PPP2R5C: variants seen among roughly 807,000 people sequenced by gnomAD.
PPP2R5C encodes the protein serine/threonine-protein phosphatase 2A 56 kDa regulatory subunit gamma isoform.
In PPP2R5C, 7 loss-of-function variants were observed where a neutral mutation model predicts 68.9. The ratio of observed to expected loss-of-function variants is 0.10; its 90% CI spans 0.06 to 0.19. The LOEUF (loss-of-function observed/expected upper bound fraction) is 0.19, where lower values mean the gene tolerates loss of function less well. Among genes scored for constraint, PPP2R5C ranks in the 10% least tolerant of loss-of-function variants. The pLI is 1.00. For synonymous variants in PPP2R5C, 210 were observed against 222.2 expected, an observed-to-expected ratio of 0.95 and a Z score of 0.49; for missense variants, 348 against 641.3, an observed-to-expected ratio of 0.54 and a Z score of 4.94.
chr14:101,821,448 G>GTGTGTGT lies in PPP2R5C; in HGVS notation c.94+11412_94+11413insTGTGTGT, dbSNP rs1555386180. 3.5e-3 allele frequency among the ~76,000 whole-genome samples: 205 copies of GTGTGTGT among 58,876 alleles called. 1 individual carries two copies. The highest frequency in any genetic ancestry group is 8.5e-3 in the African/African-American group (187 of 22,120). 38.6% of individuals were successfully genotyped at this position (58,876 alleles called of 152,430 possible). A position where few individuals can be genotyped will look rare whatever the true frequency, so the allele number is the denominator to read the frequency against. ...ATTTTCTCCCTGTGGGGGGTGGGTG[G>GTGTGTGT]GTGGGTGTGTGTGTGTGTGTGTGTG... On this transcript the variant is annotated intron_variant, in intron 1 of 13. Transcript: ENST00000334743.
intron 2 of PPP2R5C, among the ~76,000 whole-genome samples, chr14:101,862,136 G>T (rs977064498): frequency 6.6e-6 from 1 of 152,056 alleles, no homozygotes; most frequent in African/African-American, 2.4e-5. Context: ...GGCTGGTCTC[G>T]AACTCCTGTG....
chr14:101,799,729 T>C (rs1449130787), intron 3 of PPP2R5C, among the ~76,000 whole-genome samples: 1 of 152,226 alleles, frequency 6.6e-6, no homozygotes, highest in Admixed American at 6.5e-5. Flanking sequence ...GGTTCAAAAT[T>C]GATTTGAGAC....
upstream of PPP2R5C, among the ~76,000 whole-genome samples, chr14:101,809,405 C>A (rs114306766): frequency 0.14 from 19,496 of 136,718 alleles, 1,365 homozygotes; most frequent in Admixed American, 0.2. Flanking sequence ...AAAAAAAAAA[C>A]AAAAAAAAAA....
intron 2 of PPP2R5C, among the ~76,000 whole-genome samples, chr14:101,866,839 TG>T (rs1269664718): frequency 6.6e-6 from 1 of 152,104 alleles, no homozygotes; most frequent in Non-Finnish European, 1.5e-5. Flanking sequence ...AATCCAACTT[TG>T]GGAGGCCAGG....
chr14:101,909,673 C>A, exon 11 of PPP2R5C: 2 of 1,600,458 alleles, frequency 1.2e-6, no homozygotes, highest in South Asian at 2.2e-5. Context: ...CACAACAGTT[C>A]AAAGCAGAGA....
intron 2 of PPP2R5C, among the ~76,000 whole-genome samples, chr14:101,867,010 A>T (rs186837272): frequency 4.6e-5 from 7 of 152,292 alleles, no homozygotes; most frequent in Admixed American, 1.3e-4. Flanking sequence ...TGAAGTTAGG[A>T]GTTCAAGAGC....
chr14:101,797,097 A>C lies in PPP2R5C; in HGVS notation c.259+10914A>C, dbSNP rs1048300715. The C allele has an allele frequency of 2.2e-6, 1 of 452,938 alleles. No homozygotes were observed. The highest frequency in any genetic ancestry group is 2.4e-5 in the Admixed American group (1 of 42,474). The allele number at this position is 452,938 out of a possible 1,614,324, so 28.1% of individuals were successfully genotyped here. A position where few individuals can be genotyped will look rare whatever the true frequency, so the allele number is the denominator to read the frequency against. ...TTAAACAGTAAGTGGCTGTCTCCCC[A>C]TTCTGCTTTCTGTCTCTATGATTTT... On this transcript the variant is annotated intron_variant, in intron 3 of 14. Coordinates refer to the PPP2R5C transcript ENST00000328724. The surrounding 1 kb of genome is among the most constrained non-coding windows in gnomAD (Gnocchi z 4.2).
chr14:101,857,067 G>A (rs992996101), intron 2 of PPP2R5C, among the ~76,000 whole-genome samples, 182 bp downstream of exon 4: 1 of 152,060 alleles, frequency 6.6e-6, no homozygotes, highest in Admixed American at 6.5e-5. Flanking sequence ...TAATAGGAAG[G>A]GAAGTCAGTT....
chr14:101,911,774 C>G (rs1054266886), intron 11 of PPP2R5C, among the ~76,000 whole-genome samples: 4 of 151,822 alleles, frequency 2.6e-5, no homozygotes, highest in African/African-American at 7.3e-5. Context: ...ATCCCAGCTA[C>G]TCGGGAGGTT....
intron 1 of PPP2R5C, 120 bp from the exon 4 acceptor site, chr14:101,856,566 C>T: frequency 1.1e-6 from 1 of 917,948 alleles, no homozygotes; most frequent in Non-Finnish European, 1.7e-6. Context: ...TTACCCCACC[C>T]ATCTCCTTTT....
chr14:101,766,211 G>A (rs1259641734), intron 2 of PPP2R5C: 1 of 152,220 alleles, frequency 6.6e-6, no homozygotes, highest in Non-Finnish European at 1.5e-5. Flanking sequence ...ACAATTCTTG[G>A]GTAGAACAAG....
exon 14 of PPP2R5C, chr14:101,925,602 G>C (rs564502107): frequency 5.1e-6 from 1 of 197,596 alleles, no homozygotes; most frequent in Admixed American, 5.8e-5. Flanking sequence ...ATGGAACTTA[G>C]GATCTTTTAA....
At chr14:101,909,478 G>A (rs530502907) in intron 10 of PPP2R5C, 111 bp from the exon 13 acceptor site, 2 of 633,958 alleles carry the variant, frequency 3.2e-6, no homozygotes, top group South Asian at 2.1e-5. Flanking sequence ...TTAGACCTTA[G>A]GGATCCTGTG....
chr14:101,892,485 C>A (rs2045008698), intron 6 of PPP2R5C, among the ~76,000 whole-genome samples: 1 of 152,058 alleles, frequency 6.6e-6, no homozygotes, highest in African/African-American at 2.4e-5. Context: ...GAGCCAGCTC[C>A]CTGCTGTTCT....
intron 3 of PPP2R5C, among the ~76,000 whole-genome samples, chr14:101,790,829 C>T (rs1713339418): frequency 6.6e-6 from 1 of 152,208 alleles, no homozygotes; most frequent in South Asian, 2.1e-4. Flanking sequence ...GCCTGTAATC[C>T]CAGCACTTCG....
rs899821863 is a variant in PPP2R5C at position 101,916,529 on chromosome 14, C to T, written c.1327-1302C>T. The stretch of plus-strand genomic sequence containing the variant: ...GTGCAGGTTCAGGGCTGAATGATGG[C>T]GTCCATGGTCATCATTCCTCAGAGA... On this transcript the variant is annotated intron_variant, in intron 12 of 13. Transcript: ENST00000334743. The surrounding 1 kb of genome is among the most constrained non-coding windows in gnomAD (Gnocchi z 5.5). 7.2e-5 allele frequency among the ~76,000 whole-genome samples: 11 copies of T among 152,236 alleles called. No individual in the cohort carries two copies. The East Asian group carries it at 1.7e-3, about 24-fold the overall frequency.
chr14:101,786,332 G>A lies in PPP2R5C; in HGVS notation c.259+149G>A, dbSNP rs921630268. On this transcript the variant is annotated intron_variant, in intron 3 of 14. Transcript: ENST00000328724. ...TGAGGGGTTTTTTTTTTTTTAGGTTGAATGTCATTAACTTACTTACTCAAT... is the reference window on the plus strand; with the variant it reads ...TGAGGGGTTTTTTTTTTTTTAGGTTAAATGTCATTAACTTACTTACTCAAT... 1.7e-4 allele frequency: 113 copies of A among 647,470 alleles called. 2 individuals carry two copies. The highest frequency in any genetic ancestry group is 1.7e-3 in the South Asian group (60 of 35,348). The allele number at this position is 647,470 out of a possible 1,614,324, so 40.1% of individuals were successfully genotyped here. A position where few individuals can be genotyped will look rare whatever the true frequency, so the allele number is the denominator to read the frequency against.
upstream of PPP2R5C, among the ~76,000 whole-genome samples, chr14:101,806,417 T>C (rs766179454): frequency 5.3e-5 from 8 of 152,224 alleles, no homozygotes; most frequent in Non-Finnish European, 1.5e-5. Flanking sequence ...GTTTCATCCA[T>C]GTCCCTACAA....
chr14:101,887,907 G>A (rs774319713), intron 5 of PPP2R5C, among the ~76,000 whole-genome samples: 87 of 152,134 alleles, frequency 5.7e-4, no homozygotes, highest in Non-Finnish European at 7.5e-4. Context: ...CTGAAAGAGT[G>A]AGAAACACTC....
Sources: gnomAD v4.1 joint callset for allele counts (sites outside exome capture counted in the v4.1 genomes callset) on GRCh38, gnomAD v4.1.1 for gene constraint, Gnocchi (gnomAD v3.1) non-coding constraint, MANE v1.5 for transcripts, NCBI Gene and HGNC (gene_info 2026-07-23, HGNC 2026-07-21) for gene names.